Variants in CHMP5 observed in about 807,000 individuals in gnomAD.
CHMP5 encodes charged multivesicular body protein 5, also known as SNF7 domain containing 2.
In CHMP5, 17 loss-of-function variants were observed where a neutral mutation model predicts 33.0. The observed-to-expected ratio is 0.52, with a 90% CI of 0.35 to 0.77. The LOEUF (loss-of-function observed/expected upper bound fraction) is 0.77, where lower values mean the gene tolerates loss of function less well. Ranked by LOEUF, CHMP5 falls within the 30% of genes least tolerant of loss-of-function variation. The pLI, the probability that CHMP5 is intolerant of heterozygous loss-of-function variation, is 0.01. For missense variants in CHMP5, 216 were observed against 261.5 expected (o/e 0.83, Z 1.20); for synonymous variants, 76 against 90.2 (o/e 0.84, Z 0.89).
intron 6 of CHMP5, 59 bp from the exon 7 acceptor site, chr9:33,278,054 T>G: frequency 1.8e-6 from 2 of 1,092,942 alleles, no homozygotes; most frequent in Admixed American, 1.9e-5. Flanking sequence ...TGAGAGAAAT[T>G]ATTAGCTGCC....
At chr9:33,266,473 AAAAAT>A (rs1325650028) in intron 2 of CHMP5, among the ~76,000 whole-genome samples, 1 of 151,720 alleles carries the variant, frequency 6.6e-6, no homozygotes, top group African/African-American at 2.4e-5. Context: ...CTCCGTCTCA[AAAAAT>A]AAGTGAAATA....
At chr9:33,279,431 C>A (rs1012011785) in intron 7 of CHMP5, among the ~76,000 whole-genome samples, 5 of 152,064 alleles carry the variant, frequency 3.3e-5, no homozygotes, top group Admixed American at 3.3e-4. Context: ...GATAGTCTTG[C>A]CTTTCTGAAC....
Position 33,266,139 on chromosome 9 carries a change from C to T in CHMP5, c.174+25C>T, listed in dbSNP as rs771726380. On this transcript the variant is annotated intron_variant, in intron 2 of 7. Coordinates refer to ENST00000223500, the MANE Select transcript of CHMP5 (RefSeq NM_016410.6). ...GGTAAGGTGGGCAGCAACTGCTGCA[C>T]AAGGTGCTGGCAGAGCCTAGTTTTA... The T allele has an allele frequency of 2.6e-6, 4 of 1,518,562 alleles. No homozygotes were observed. In the East Asian group the frequency reaches 9.0e-5, roughly 34 times the overall value. 94.1% of individuals were successfully genotyped at this position (1,518,562 alleles called of 1,614,324 possible).
chr9:33,267,767 G>T (rs968658253), intron 2 of CHMP5, 86 bp from the exon 3 acceptor site: 1 of 808,818 alleles, frequency 1.2e-6, no homozygotes, highest in South Asian at 1.4e-5. Flanking sequence ...GAGGAAGTAG[G>T]CATGTGAGTT....
chr9:33,277,227 A>G (rs528478187), intron 6 of CHMP5, among the ~76,000 whole-genome samples: 1 of 151,720 alleles, frequency 6.6e-6, no homozygotes, highest in Non-Finnish European at 1.5e-5. Flanking sequence ...ATAGTTGGCA[A>G]ATACTTAGTG....
chr9:33,266,446 C>T (rs7041799), intron 2 of CHMP5, among the ~76,000 whole-genome samples: 1,564 of 152,184 alleles, frequency 0.01, 31 homozygotes, highest in African/African-American at 0.035. Context: ...CACTCTAGCC[C>T]AAGTGACAGT....
chr9:33,270,356 TAAC>T (rs1460067074), intron 3 of CHMP5, among the ~76,000 whole-genome samples: 5 of 152,188 alleles, frequency 3.3e-5, no homozygotes, highest in Middle Eastern at 3.2e-3. Flanking sequence ...TGAAAGTGCC[TAAC>T]AACATATTTC....
chr9:33,267,849 C>T lies in CHMP5; in HGVS notation c.175-4C>T. 1.2e-6 allele frequency: 2 copies of T among 1,606,120 alleles called. No homozygotes were observed. The highest frequency in any genetic ancestry group is 1.7e-6 in the Non-Finnish European group (2 of 1,173,184). On this transcript the variant is annotated splice_polypyrimidine_tract_variant and splice_region_variant and intron_variant, in intron 2 of 7. Coordinates refer to ENST00000223500, the MANE Select transcript of CHMP5 (RefSeq NM_016410.6). ...ATTTTTATTAAATCTGTTTTTCTCT[C>T]CAGAATATGGTCAAGCAGAAAGCCT...
At chr9:33,279,445 C>A (rs906211988) in intron 7 of CHMP5, among the ~76,000 whole-genome samples, 1 of 152,028 alleles carries the variant, frequency 6.6e-6, no homozygotes, top group African/African-American at 2.4e-5. Context: ...TCTGAACTGC[C>A]CACTCCTCCC....
Position 33,280,839 on chromosome 9 carries a change from C to A in CHMP5, c.640C>A (p.Pro214Thr). Reference protein sequence around the residue: ...DGVLVDEFGLPQIPAS With the variant: ...DGVLVDEFGLTQIPAS ...AGTTCTGGTGGATGAATTTGGATTG[C>A]CACAGATCCCTGCTTCATAGATTTG... is the stretch of plus-strand genomic sequence containing the variant. Residue 214 changes from proline to threonine, a missense_variant, in exon 8 of 8, where the codon CCA (proline) becomes ACA (threonine). Transcript: ENST00000223500. 1 of 1,611,898 alleles carries A rather than the reference C, an allele frequency of 6.2e-7. No homozygotes were observed. The highest frequency in any genetic ancestry group is 8.5e-7 in the Non-Finnish European group (1 of 1,179,158).
At chr9:33,275,669 C>T (rs933582671) in intron 5 of CHMP5, among the ~76,000 whole-genome samples, 2 of 152,156 alleles carry the variant, frequency 1.3e-5, no homozygotes, top group African/African-American at 4.8e-5. Context: ...AGACAGCTGA[C>T]AATCATCTAT....
chr9:33,278,100 G>GT lies in CHMP5; in HGVS notation c.497-10dup. On this transcript the variant is annotated splice_polypyrimidine_tract_variant and intron_variant, in intron 6 of 7. Coordinates refer to ENST00000223500, the MANE Select transcript of CHMP5 (RefSeq NM_016410.6). ...GTTACATTTTTTTTAAATGTTGACT[G>GT]TTTCAATCTCAGAGTTGGATGCACT... The GT allele has an allele frequency of 2.6e-6, 4 of 1,550,586 alleles. No homozygotes were observed. The South Asian group carries it at 3.4e-5, about 13-fold the overall frequency.
In CHMP5 at chr9:33,271,198, A is replaced by G; in HGVS notation, c.362A>G (p.Lys121Arg). Reference protein sequence around the residue: ...LGVKEMKKAYKQVKIDQIEDL... With the variant: ...LGVKEMKKAYRQVKIDQIEDL... ...GTAAAGGAAATGAAGAAGGCATACA[A>G]GCAAGTGAAGATCGACCAGATTGAG... Residue 121 changes from lysine (K) to arginine (R), a missense_variant, in exon 5 of 8, where the codon AAG (lysine) becomes AGG (arginine). Coordinates refer to ENST00000223500, the MANE Select transcript of CHMP5 (RefSeq NM_016410.6). 3 of 1,613,996 alleles carry G rather than the reference A, an allele frequency of 1.9e-6. No homozygotes were observed. The highest frequency in any genetic ancestry group is 2.5e-6 in the Non-Finnish European group (3 of 1,179,832).
chr9:33,280,678 C>T, intron 7 of CHMP5, 131 bp from the exon 8 acceptor site: 2 of 750,672 alleles, frequency 2.7e-6, no homozygotes, highest in Non-Finnish European at 4.3e-6. Context: ...TTGTTCTCAT[C>T]TTATGACTGC....
At chr9:33,268,933 T>A (rs115336818) in intron 3 of CHMP5, among the ~76,000 whole-genome samples, 1,563 of 152,316 alleles carry the variant, frequency 0.01, 30 homozygotes, top group African/African-American at 0.035. Flanking sequence ...CCTTTTCCAC[T>A]TAATGTTATA....
intron 3 of CHMP5, 96 bp downstream of exon 3, chr9:33,267,995 C>A: frequency 1.2e-6 from 1 of 829,014 alleles, no homozygotes; most frequent in South Asian, 1.5e-5. Flanking sequence ...TCTAAGCACT[C>A]TTGATTTAAT....
intron 2 of CHMP5, among the ~76,000 whole-genome samples, chr9:33,267,154 C>T (rs758652604): frequency 1.8e-4 from 28 of 152,156 alleles, no homozygotes; most frequent in South Asian, 6.2e-4. Context: ...GTAATAATAC[C>T]TGTTTTTCCT....
At chr9:33,265,261 C>T (rs1820696808) in intron 1 of CHMP5, 114 bp downstream of exon 1, 2 of 946,744 alleles carry the variant, frequency 2.1e-6, no homozygotes, top group Admixed American at 1.9e-5. Flanking sequence ...GGGCCCCTTA[C>T]ACGTCGTCCC....
chr9:33,268,991 CT>C (rs1236160854), intron 3 of CHMP5, among the ~76,000 whole-genome samples: 1 of 152,150 alleles, frequency 6.6e-6, no homozygotes, highest in Non-Finnish European at 1.5e-5. Flanking sequence ...AAACTTTACA[CT>C]TTTTAATGAG....
Sources: gnomAD v4.1 joint callset for allele counts (sites outside exome capture counted in the v4.1 genomes callset) on GRCh38, gnomAD v4.1.1 for gene constraint, MANE v1.5 for transcripts, NCBI Gene and HGNC (gene_info 2026-07-23, HGNC 2026-07-21) for gene names.